The following STK32B variants were observed in gnomAD, a reference collection of about 807,000 sequenced individuals.
The protein encoded by STK32B is serine/threonine kinase 32B, also known as serine/threonine-protein kinase 32B.
In STK32B, 43 loss-of-function variants were observed where a neutral mutation model predicts 52.6. The ratio of observed to expected loss-of-function variants is 0.82; its 90% confidence interval spans 0.64 to 1.05. The LOEUF (loss-of-function observed/expected upper bound fraction) is 1.05, where lower values mean the gene tolerates loss of function less well. STK32B is among the 50% of genes least tolerant of loss of function. The pLI is 0.00. For missense variants in STK32B, 621 were observed against 534.6 expected, an observed-to-expected ratio of 1.16 and a Z score of -1.59; for synonymous variants, 238 against 204.3, an observed-to-expected ratio of 1.17 and a Z score of -1.41.
At chr4:5,371,002 A>ATATATATATGTATATATATGTG (rs1213026945) in intron 4 of STK32B, among the ~76,000 whole-genome samples, 6 of 118,440 alleles carry the variant, frequency 5.1e-5, no homozygotes, top group South Asian at 5.0e-4. Flanking sequence ...GTGTGTATAT[A>ATATATATATGTATATATATGTG]TATATATATG....
chr4:5,456,753 C>T (rs1338736970), intron 7 of STK32B, 54 bp from the exon 8 acceptor site: 10 of 1,424,594 alleles, frequency 7.0e-6, no homozygotes, highest in Admixed American at 2.0e-5. Context: ...AAAATGCGGA[C>T]GGTGCCTTCC....
intron 4 of STK32B, among the ~76,000 whole-genome samples, chr4:5,388,834 G>A (rs1181890313): frequency 2.6e-5 from 4 of 152,188 alleles, no homozygotes. Context: ...GCACATGTTT[G>A]TGAATCCCAA....
chr4:5,136,182 G>T (rs143681863), intron 1 of STK32B, among the ~76,000 whole-genome samples: 1 of 152,188 alleles, frequency 6.6e-6, no homozygotes, highest in Non-Finnish European at 1.5e-5. Flanking sequence ...CTGGGTTTTT[G>T]TTATCAAGAA....
intron 11 of STK32B, among the ~76,000 whole-genome samples, chr4:5,478,696 G>T (rs1006642501): frequency 2.6e-5 from 4 of 152,194 alleles, no homozygotes; most frequent in Admixed American, 2.6e-4. Flanking sequence ...GGGTAGAGAC[G>T]CCACAGAGGC....
At chr4:5,326,016 C>A (rs1160963691) in intron 3 of STK32B, among the ~76,000 whole-genome samples, 1 of 152,172 alleles carries the variant, frequency 6.6e-6, no homozygotes, top group Non-Finnish European at 1.5e-5. Context: ...AAGCCACAAC[C>A]TGAATTATTG....
intron 2 of STK32B, among the ~76,000 whole-genome samples, chr4:5,166,170 G>A (rs73797111): frequency 0.013 from 2,023 of 152,184 alleles, 36 homozygotes; most frequent in African/African-American, 0.047. Context: ...AAAACCCCGA[G>A]TTCCTTCGCT....
rs189578657 is a variant in STK32B at position 5,226,350 on chromosome 4, G to A, written c.260+57900G>A. Among the ~76,000 whole-genome samples the A allele has an allele frequency of 1.1e-4, 16 of 152,274 alleles. No homozygotes were observed. In the East Asian group the frequency reaches 3.1e-3, roughly 29 times the overall value. ...CGTGGACATCCAGGACACAAGTATA[G>A]TAGCTCCCCATTTTTGCATGGTTTC... On this transcript the variant is annotated intron_variant, in intron 3 of 11. Transcript: ENST00000282908.
At chr4:5,181,349 C>T (rs969600994) in intron 3 of STK32B, among the ~76,000 whole-genome samples, 3 of 143,926 alleles carry the variant, frequency 2.1e-5, no homozygotes, top group Non-Finnish European at 3.1e-5. Flanking sequence ...CACACACACA[C>T]ACACACACAC....
At chr4:5,352,064 G>A (rs1312886452) in intron 4 of STK32B, among the ~76,000 whole-genome samples, 3 of 152,008 alleles carry the variant, frequency 2.0e-5, no homozygotes, top group Non-Finnish European at 2.9e-5. Flanking sequence ...CTAGAAAAGT[G>A]AAGAGAAAGA....
intron 3 of STK32B, among the ~76,000 whole-genome samples, chr4:5,227,873 A>G (rs34363623): frequency 0.43 from 65,734 of 152,046 alleles, 14,680 homozygotes; most frequent in African/African-American, 0.55. Context: ...GAGAAATCCA[A>G]TGACTACCTG....
At chr4:5,259,913 A>G (rs1726586104) in intron 3 of STK32B, among the ~76,000 whole-genome samples, 1 of 151,992 alleles carries the variant, frequency 6.6e-6, no homozygotes, top group Non-Finnish European at 1.5e-5. Flanking sequence ...TGCTGTCTGA[A>G]CAAGACCTGG....
At chr4:5,220,893 C>A (rs947706041) in intron 3 of STK32B, among the ~76,000 whole-genome samples, 3 of 152,180 alleles carry the variant, frequency 2.0e-5, no homozygotes, top group African/African-American at 7.2e-5. Flanking sequence ...AAGTTGACTG[C>A]TCAGGAATTT....
At chr4:5,077,660 A>G (rs886215277) in intron 1 of STK32B, among the ~76,000 whole-genome samples, 3 of 152,098 alleles carry the variant, frequency 2.0e-5, no homozygotes, top group Non-Finnish European at 4.4e-5. Flanking sequence ...TTCCTAGCCT[A>G]AGACACCTGG....
chr4:5,100,630 T>G (rs1192525737), intron 1 of STK32B, among the ~76,000 whole-genome samples: 1 of 105,274 alleles, frequency 9.5e-6, no homozygotes, highest in Non-Finnish European at 1.8e-5. Context: ...TTTTCTTTCT[T>G]TCTCTTTCTT....
rs535013622 is a variant in STK32B at position 5,161,569 on chromosome 4, C to T, written c.109-6730C>T. ...TAGTTATTCTCTTTTGTACAGAACG[C>T]AAGACTTTCCCTAGAAACCTCTAGC... On this transcript the variant is annotated intron_variant, in intron 2 of 11. Coordinates refer to ENST00000282908, the MANE Select transcript of STK32B (RefSeq NM_018401.3). Among the ~76,000 whole-genome samples the T allele has an allele frequency of 2.6e-5, 4 of 152,196 alleles. No individual in the cohort carries two copies. In the South Asian group the frequency reaches 8.3e-4, roughly 32 times the overall value.
chr4:5,224,659 A>G (rs368449502), intron 3 of STK32B, among the ~76,000 whole-genome samples: 9 of 152,302 alleles, frequency 5.9e-5, no homozygotes, highest in African/African-American at 2.2e-4. Context: ...CAGGCCTACT[A>G]CTGGGGAATC....
intron 3 of STK32B, among the ~76,000 whole-genome samples, chr4:5,264,156 C>G (rs1173405376): frequency 1.3e-5 from 2 of 152,136 alleles, no homozygotes; most frequent in Admixed American, 6.5e-5. Flanking sequence ...CATATACTTT[C>G]ATTTCTCTTG....
chr4:5,037,829 T>C, the STK32B span, among the ~76,000 whole-genome samples: 5 of 152,304 alleles, frequency 3.3e-5, no homozygotes, highest in South Asian at 2.1e-4. Context: ...GTTTTCTTCA[T>C]TGGGCTGTGA....
At chr4:5,377,244 T>C (rs955349592) in intron 4 of STK32B, among the ~76,000 whole-genome samples, 10 of 152,182 alleles carry the variant, frequency 6.6e-5, no homozygotes, top group African/African-American at 2.4e-4. Flanking sequence ...TTCACACTTT[T>C]AAATTGAGGC....
Sources: gnomAD v4.1 joint callset for allele counts (sites outside exome capture counted in the v4.1 genomes callset) on GRCh38, gnomAD v4.1.1 for gene constraint, MANE v1.5 for transcripts, NCBI Gene and HGNC (gene_info 2026-07-23, HGNC 2026-07-21) for gene names.